Variants in CTNND2 observed in about 807,000 individuals in gnomAD.
CTNND2 encodes catenin delta-2.
In CTNND2, 22 loss-of-function variants were observed where a neutral mutation model predicts 144.4. The observed-to-expected ratio is 0.15, with a 90% confidence interval of 0.11 to 0.22. The LOEUF (loss-of-function observed/expected upper bound fraction) is 0.22. Among genes scored for constraint, CTNND2 ranks in the 10% least tolerant of loss-of-function variants. The pLI is 1.00. For synonymous variants in CTNND2, 751 were observed against 695.6 expected, an observed-to-expected ratio of 1.08 and a Z score of -1.25; for missense variants, 1,353 against 1,618.8, an observed-to-expected ratio of 0.84 and a Z score of 2.82.
intron 2 of CTNND2, among the ~76,000 whole-genome samples, chr5:11,632,301 G>A (rs1453712192): frequency 6.6e-6 from 1 of 152,138 alleles, no homozygotes; most frequent in Non-Finnish European, 1.5e-5. Flanking sequence ...GAGACAGTGA[G>A]ACAGCCTAGC....
chr5:11,836,114 G>A (rs1268766089), intron 1 of CTNND2, among the ~76,000 whole-genome samples: 1 of 152,132 alleles, frequency 6.6e-6, no homozygotes, highest in Non-Finnish European at 1.5e-5. Context: ...GTTTCCAAAT[G>A]TTGGGAGATA....
chr5:11,308,528 G>T (rs1282531489), intron 9 of CTNND2, among the ~76,000 whole-genome samples: 1 of 152,170 alleles, frequency 6.6e-6, no homozygotes, highest in Non-Finnish European at 1.5e-5. Context: ...ATCCTGATTT[G>T]GGGAAAGTAG....
chr5:11,591,306 C>T (rs1779227322), intron 2 of CTNND2, among the ~76,000 whole-genome samples: 1 of 152,172 alleles, frequency 6.6e-6, no homozygotes, highest in Admixed American at 6.5e-5. Flanking sequence ...ACCTCTGACA[C>T]TGAAAACTGC....
intron 7 of CTNND2, among the ~76,000 whole-genome samples, chr5:11,366,413 A>T (rs1355081459): frequency 2.0e-5 from 3 of 152,234 alleles, no homozygotes; most frequent in African/African-American, 7.2e-5. Flanking sequence ...AGAAAGGGAC[A>T]GGGCAGGCAA....
intron 2 of CTNND2, among the ~76,000 whole-genome samples, chr5:11,633,963 C>T (rs189711229): frequency 1.3e-5 from 2 of 152,056 alleles, no homozygotes; most frequent in African/African-American, 2.4e-5. Context: ...TGGGTGATTT[C>T]CCCCCTCATG....
At chr5:11,776,811 GA>G (rs1790280915) in intron 1 of CTNND2, among the ~76,000 whole-genome samples, 1 of 152,128 alleles carries the variant, frequency 6.6e-6, no homozygotes, top group South Asian at 2.1e-4. Flanking sequence ...TTGATCACCA[GA>G]AGATAGAAAT....
intron 9 of CTNND2, among the ~76,000 whole-genome samples, chr5:11,344,383 C>T (rs553713410): frequency 1.8e-3 from 270 of 148,238 alleles, no homozygotes; most frequent in African/African-American, 6.4e-3. Flanking sequence ...CAAAACGAGA[C>T]TCCGTCTCAA....
At chr5:11,815,221 TAGAG>T (rs1468399945) in intron 1 of CTNND2, among the ~76,000 whole-genome samples, 1 of 152,122 alleles carries the variant, frequency 6.6e-6, no homozygotes, top group Non-Finnish European at 1.5e-5. Context: ...TCAAAAACCA[TAGAG>T]AAATTAGAAG....
At chr5:11,703,614 T>C (rs76450504) in intron 2 of CTNND2, among the ~76,000 whole-genome samples, 3 of 152,368 alleles carry the variant, frequency 2.0e-5, no homozygotes, top group East Asian at 1.9e-4. Flanking sequence ...ACTTCTTTAG[T>C]TATTGCAAGA....
At chr5:11,667,554 T>A (rs971173784) in intron 2 of CTNND2, among the ~76,000 whole-genome samples, 1 of 152,224 alleles carries the variant, frequency 6.6e-6, no homozygotes, top group African/African-American at 2.4e-5. Context: ...GTTGGCTGCA[T>A]AAAAATCTTC....
chr5:11,136,918 C>G (rs1756210777), intron 12 of CTNND2, among the ~76,000 whole-genome samples: 1 of 152,196 alleles, frequency 6.6e-6, no homozygotes. Context: ...ATCCCCTGAC[C>G]AGGCTAAATT....
chr5:11,327,261 T>G (rs1752625459), intron 9 of CTNND2, among the ~76,000 whole-genome samples: 1 of 152,114 alleles, frequency 6.6e-6, no homozygotes, highest in Non-Finnish European at 1.5e-5. Context: ...TATAAGTGAT[T>G]CTGGGATGAA....
intron 7 of CTNND2, among the ~76,000 whole-genome samples, 167 bp from the exon 8 acceptor site, chr5:11,365,057 C>T (rs894449201): frequency 6.6e-6 from 1 of 152,254 alleles, no homozygotes; most frequent in Admixed American, 6.5e-5. Flanking sequence ...AGCCTGTCGG[C>T]ATCACCCAGC....
At chr5:11,264,326 G>A (rs1745224013) in intron 9 of CTNND2, among the ~76,000 whole-genome samples, 2 of 152,130 alleles carry the variant, frequency 1.3e-5, no homozygotes, top group African/African-American at 4.8e-5. Flanking sequence ...ATTGGATTAG[G>A]GTAGGCTGTG....
chr5:11,732,072 C>A, intron 2 of CTNND2, 64 bp downstream of exon 2: 1 of 1,520,142 alleles, frequency 6.6e-7, no homozygotes, highest in African/African-American at 1.4e-5. Flanking sequence ...CTTTAACGTT[C>A]ATCTAGAAAA....
intron 16 of CTNND2, among the ~76,000 whole-genome samples, chr5:11,039,853 G>A (rs1479485085): frequency 6.6e-6 from 1 of 152,134 alleles, no homozygotes; most frequent in Non-Finnish European, 1.5e-5. Flanking sequence ...CATGAGGTCA[G>A]GAGTTCGAGA....
chr5:11,035,980 C>T (rs910063100), intron 16 of CTNND2, among the ~76,000 whole-genome samples: 1 of 151,998 alleles, frequency 6.6e-6, no homozygotes, highest in Non-Finnish European at 1.5e-5. Flanking sequence ...GAGTAGGGTA[C>T]AAAAATAATG....
intron 3 of CTNND2, among the ~76,000 whole-genome samples, chr5:11,483,349 C>T (rs1029341206): frequency 6.6e-6 from 1 of 152,138 alleles, no homozygotes; most frequent in East Asian, 1.9e-4. Context: ...TCACTCTTGG[C>T]TATGAGGAGT....
At chr5:11,369,867 G>C (rs1435063185) in intron 7 of CTNND2, among the ~76,000 whole-genome samples, 1 of 152,212 alleles carries the variant, frequency 6.6e-6, no homozygotes, top group Middle Eastern at 3.2e-3. Context: ...TGGAGAAAGA[G>C]CTGTATGGTT....
Sources: gnomAD v4.1 joint callset for allele counts (sites outside exome capture counted in the v4.1 genomes callset) on GRCh38, gnomAD v4.1.1 for gene constraint, MANE v1.5 for transcripts, NCBI Gene and HGNC (gene_info 2026-07-23, HGNC 2026-07-21) for gene names.